Variants in LAMA4 observed in about 807,000 individuals in gnomAD.
The protein encoded by LAMA4 is laminin subunit alpha-4.
LAMA4 carries 127 observed loss-of-function variants against 207.1 expected under a neutral mutation model. The observed-to-expected ratio is 0.61, with a 90% CI of 0.53 to 0.71. LAMA4 has a LOEUF of 0.71. Among genes scored for constraint, LAMA4 ranks in the 30% least tolerant of loss-of-function variants. LAMA4 has a pLI of 0.00. For missense variants in LAMA4, 2,093 were observed against 2,246.5 expected, an observed-to-expected ratio of 0.93 and a Z score of 1.38; for synonymous variants, 761 against 816.0, an observed-to-expected ratio of 0.93 and a Z score of 1.15.
intron 32 of LAMA4, chr6:112,121,639 C>T (rs944471122): frequency 5.7e-5 from 17 of 296,396 alleles, no homozygotes; most frequent in African/African-American, 3.1e-4. Flanking sequence ...CCTTATTAAC[C>T]TTTTAGCAGT....
At chr6:112,248,877 G>A (rs1016041585) in intron 2 of LAMA4, among the ~76,000 whole-genome samples, 5 of 152,134 alleles carry the variant, frequency 3.3e-5, no homozygotes, top group African/African-American at 1.2e-4. Flanking sequence ...TGAAAATTTG[G>A]TTAAGGTAAT....
chr6:112,217,774 T>C (rs1784712812), intron 2 of LAMA4: 1 of 152,196 alleles, frequency 6.6e-6, no homozygotes, highest in Admixed American at 6.5e-5. Context: ...AGAAGATCAA[T>C]TTATAATTTT....
chr6:112,137,588 C>A (rs1554331948), intron 24 of LAMA4, among the ~76,000 whole-genome samples: 1 of 152,204 alleles, frequency 6.6e-6, no homozygotes, highest in African/African-American at 2.4e-5. Flanking sequence ...TCATCCATTT[C>A]TTTGCTTCTA....
intron 15 of LAMA4, 103 bp downstream of exon 15, chr6:112,155,462 T>C: frequency 1.5e-6 from 2 of 1,323,288 alleles, no homozygotes; most frequent in East Asian, 4.6e-5. Context: ...TTTCCACTCT[T>C]TCTGCCATTT....
chr6:112,130,743 G>A (rs981365223), intron 29 of LAMA4, among the ~76,000 whole-genome samples: 1 of 152,118 alleles, frequency 6.6e-6, no homozygotes, highest in South Asian at 2.1e-4. Flanking sequence ...TGTTTTACTG[G>A]AAAAAGAACC....
chr6:112,239,980 C>T (rs182354439), intron 2 of LAMA4, among the ~76,000 whole-genome samples: 5 of 152,086 alleles, frequency 3.3e-5, no homozygotes, highest in African/African-American at 7.2e-5. Context: ...GGCGTGAACC[C>T]GGGAGGCGGA....
At chr6:112,186,067 C>T (rs916177677) in intron 8 of LAMA4, among the ~76,000 whole-genome samples, 2 of 152,340 alleles carry the variant, frequency 1.3e-5, no homozygotes, top group Middle Eastern at 3.4e-3. Flanking sequence ...AGATTCTATC[C>T]AGGCTACAAT....
intron 26 of LAMA4, among the ~76,000 whole-genome samples, chr6:112,133,980 T>C (rs1562644534): frequency 6.6e-6 from 1 of 152,222 alleles, no homozygotes; most frequent in Non-Finnish European, 1.5e-5. Context: ...CATTAATGAA[T>C]CCATTTTGGC....
chr6:112,133,305 A>AAGT (rs782709134), intron 27 of LAMA4, 44 bp downstream of exon 27: 4 of 1,603,292 alleles, frequency 2.5e-6, no homozygotes, highest in Non-Finnish European at 3.4e-6. Flanking sequence ...TGAGAGTGAT[A>AAGT]AGTATTGTGT....
chr6:112,134,386 A>G (rs1779211941), intron 26 of LAMA4, 81 bp downstream of exon 26: 1 of 1,402,044 alleles, frequency 7.1e-7, no homozygotes, highest in African/African-American at 1.4e-5. Context: ...AAGGGTGCGT[A>G]CACTGTTACT....
chr6:112,216,794 T>C (rs549618675), intron 2 of LAMA4: 1 of 357,152 alleles, frequency 2.8e-6, no homozygotes, highest in East Asian at 7.1e-5. Flanking sequence ...AAAATGCTAA[T>C]GTTTTCTTCC....
At chr6:112,178,266 G>T in intron 9 of LAMA4, 34 bp from the exon 10 acceptor site, 1 of 1,475,586 alleles carries the variant, frequency 6.8e-7, no homozygotes, top group Non-Finnish European at 9.5e-7. Context: ...TAGATTAAAT[G>T]TATGAGAAAA....
chr6:112,114,227 G>A (rs782331662), intron 37 of LAMA4, 32 bp from the exon 38 acceptor site: 2 of 1,604,264 alleles, frequency 1.2e-6, no homozygotes, highest in Non-Finnish European at 1.7e-6. Flanking sequence ...GGTCATAAGT[G>A]GCACTGGAGT....
At chr6:112,161,178 C>T (rs181512076) in intron 13 of LAMA4, among the ~76,000 whole-genome samples, 52 of 152,306 alleles carry the variant, frequency 3.4e-4, no homozygotes, top group African/African-American at 1.3e-3. Context: ...AATATCACTT[C>T]CTTTTTGAGG....
intron 3 of LAMA4, among the ~76,000 whole-genome samples, chr6:112,210,204 CTTTT>C (rs56690682): frequency 7.0e-6 from 1 of 142,344 alleles, no homozygotes. Flanking sequence ...TCAGGTACGT[CTTTT>C]TTTTTTTTTT....
At position 112,178,193 on chromosome 6, in the gene LAMA4, C is replaced by T; in HGVS notation, c.1117G>A (p.Glu373Lys). 1 of 1,613,942 alleles carries T rather than the reference C, an allele frequency of 6.2e-7. No individual in the cohort carries two copies. The highest frequency in any genetic ancestry group is 1.3e-5 in the African/African-American group (1 of 75,028). Residue 373 changes from glutamate to lysine, a missense_variant, in exon 10 of 39, where the codon GAA (glutamate) becomes AAA (lysine). Transcript: ENST00000230538. ...ASRKGQLVQK[E>K]SMDTINHASQ... Reference sequence around the variant, plus strand: ...GCGTGGTTAATGGTGTCCATGCTTTCCTTCTGAACAAGTTGTCCTTTTCTG... The same window carrying T: ...GCGTGGTTAATGGTGTCCATGCTTTTCTTCTGAACAAGTTGTCCTTTTCTG...
At chr6:112,161,492 C>T (rs1175684393) in intron 13 of LAMA4, among the ~76,000 whole-genome samples, 1 of 152,180 alleles carries the variant, frequency 6.6e-6, no homozygotes, top group Non-Finnish European at 1.5e-5. Flanking sequence ...AGACCATGGA[C>T]ATACCACTTT....
At chr6:112,246,664 C>T (rs782709110) in intron 2 of LAMA4, among the ~76,000 whole-genome samples, 1 of 152,058 alleles carries the variant, frequency 6.6e-6, no homozygotes, top group Non-Finnish European at 1.5e-5. Context: ...GGATTACAGG[C>T]ACCTGCCACC....
chr6:112,243,832 G>A (rs1311611008), intron 2 of LAMA4, among the ~76,000 whole-genome samples: 8 of 151,988 alleles, frequency 5.3e-5, no homozygotes, highest in African/African-American at 1.9e-4. Context: ...CCCAGGCAGG[G>A]GGATTGCCTG....
Sources: gnomAD v4.1 joint callset for allele counts (sites outside exome capture counted in the v4.1 genomes callset) on GRCh38, gnomAD v4.1.1 for gene constraint, MANE v1.5 for transcripts, NCBI Gene and HGNC (gene_info 2026-07-23, HGNC 2026-07-21) for gene names.